Variants in FBLN1 observed in about 807,000 individuals in gnomAD.
FBLN1 encodes fibulin 1.
FBLN1 carries 34 observed loss-of-function variants against 89.7 expected under a neutral mutation model. The observed-to-expected ratio is 0.38, with a 90% confidence interval of 0.29 to 0.50. The LOEUF (loss-of-function observed/expected upper bound fraction) is 0.50. Among genes scored for constraint, FBLN1 ranks in the 20% least tolerant of loss-of-function variants. FBLN1 has a pLI of 0.92. For missense variants in FBLN1, 777 were observed against 988.1 expected, an observed-to-expected ratio of 0.79 and a Z score of 2.86; for synonymous variants, 393 against 391.3, an observed-to-expected ratio of 1.00 and a Z score of -0.05.
At position 45,571,584 on chromosome 22, in the gene FBLN1, T is replaced by A. The variant is rs183609972; in HGVS notation, c.1698-2927T>A. ...TCCTGAGGCTACTGTGTAGGTAATGTGGGATAATGATGGGATACTGCATGT... is the reference window on the plus strand; with the variant it reads ...TCCTGAGGCTACTGTGTAGGTAATGAGGGATAATGATGGGATACTGCATGT... On this transcript the variant is annotated intron_variant, in intron 14 of 16. Coordinates refer to ENST00000327858, the MANE Select transcript of FBLN1 (RefSeq NM_006486.3). 4.0e-3 allele frequency among the ~76,000 whole-genome samples: 602 copies of A among 152,312 alleles called. 4 individuals are homozygous for A. Among genetic ancestry groups the A allele is most frequent in the African/African-American group, 0.014 (586 of 41,566 alleles).
chr22:45,528,962 G>T (rs1032044075), intron 4 of FBLN1, among the ~76,000 whole-genome samples: 1 of 152,210 alleles, frequency 6.6e-6, no homozygotes, highest in Non-Finnish European at 1.5e-5. Context: ...GATAGTTGCA[G>T]TCCTACTTCA....
At chr22:45,527,058 C>T (rs2088338887) in intron 3 of FBLN1, among the ~76,000 whole-genome samples, 1 of 152,176 alleles carries the variant, frequency 6.6e-6, no homozygotes, top group African/African-American at 2.4e-5. Flanking sequence ...TTTCTGGCAG[C>T]GGAGGGCGTA....
intron 3 of FBLN1, among the ~76,000 whole-genome samples, chr22:45,527,360 C>T (rs2088342597): frequency 6.6e-6 from 1 of 152,172 alleles, no homozygotes; most frequent in Admixed American, 6.5e-5. Flanking sequence ...CTTTCAAATG[C>T]ACGGTGCAAT....
At position 45,579,847 on chromosome 22, in the gene FBLN1, T is replaced by C. The variant is rs1376920988; in HGVS notation, c.1972+2739T>C. Among the ~76,000 whole-genome samples the C allele has an allele frequency of 6.6e-6, 1 of 152,070 alleles. No individual in the cohort carries two copies. The highest frequency in any genetic ancestry group is 1.5e-5 in the Non-Finnish European group (1 of 68,008). ...CCTCTTCTGCCCAGAATAACTTCCA[T>C]ACATCCTGGGAGCTTCCTGGTCCCT... On this transcript the variant is annotated intron_variant, in intron 16 of 16. Transcript: ENST00000327858. The surrounding 1 kb of genome is among the most constrained non-coding windows in gnomAD (Gnocchi z 5.5).
In FBLN1 at chr22:45,525,657, C is replaced by T; in HGVS notation, c.300C>T (p.Ser100=). The change falls in exon 3 of 17, where the codon AGC becomes AGT. Residue 100 remains serine (S), a synonymous_variant. Coordinates refer to ENST00000327858, the MANE Select transcript of FBLN1 (RefSeq NM_006486.3). ...RCATPHGDNA[S]LEATFVKRCC... is the part of the protein sequence containing the mutation. The stretch of plus-strand genomic sequence containing the variant: ...CCACGCCCCACGGTGACAACGCCAG[C>T]CTGGAGGCCACATTTGTGAAGGTGA... 3.9e-6 allele frequency: 6 copies of T among 1,551,442 alleles called. No individual in the cohort carries two copies. Among genetic ancestry groups the T allele is most frequent in the Non-Finnish European group, 5.2e-6 (6 of 1,147,014 alleles).
chr22:45,542,949 T>A (rs1401121594), intron 10 of FBLN1, among the ~76,000 whole-genome samples: 1 of 152,190 alleles, frequency 6.6e-6, no homozygotes, highest in Non-Finnish European at 1.5e-5. Context: ...TCGGGACAAG[T>A]CACTTTGCAT....
At chr22:45,544,900 C>T (rs952344173) in intron 11 of FBLN1, among the ~76,000 whole-genome samples, 32 of 152,172 alleles carry the variant, frequency 2.1e-4, no homozygotes, top group African/African-American at 6.3e-4. Context: ...GTCTTGTATA[C>T]GGATTAGGTT....
At chr22:45,541,117 A>G in intron 8 of FBLN1, 112 bp from the exon 9 acceptor site, 2 of 1,395,076 alleles carry the variant, frequency 1.4e-6, no homozygotes, top group East Asian at 4.6e-5. Context: ...GAGCCCCTCC[A>G]TTTGTGGTTT....
intron 1 of FBLN1, among the ~76,000 whole-genome samples, chr22:45,509,981 C>T (rs538920585): frequency 1.3e-5 from 2 of 152,208 alleles, no homozygotes; most frequent in Admixed American, 6.5e-5. Flanking sequence ...ACTCCTGACG[C>T]CCTCAGCTGC....
At chr22:45,529,833 T>C (rs991857091) in intron 4 of FBLN1, among the ~76,000 whole-genome samples, 2 of 152,042 alleles carry the variant, frequency 1.3e-5, no homozygotes, top group Non-Finnish European at 2.9e-5. Flanking sequence ...CGCCATTGCA[T>C]TCCAGCCTGG....
chr22:45,574,777 CTTTTTTTTT>C lies in FBLN1; in HGVS notation c.1840+138_1840+146del, dbSNP rs756869112. The C allele has an allele frequency of 8.8e-6, 4 of 452,566 alleles. No individual in the cohort carries two copies. The highest frequency in any genetic ancestry group is 5.5e-5 in the African/African-American group (2 of 36,322). The allele number at this position is 452,566 out of a possible 1,614,324, so 28.0% of individuals were successfully genotyped here. A position where few individuals can be genotyped will look rare whatever the true frequency, so the allele number is the denominator to read the frequency against. On this transcript the variant is annotated intron_variant, in intron 15 of 16. Coordinates refer to ENST00000327858, the MANE Select transcript of FBLN1 (RefSeq NM_006486.3). This position sits in a 1 kb window ranked among gnomAD's most constrained non-coding sequence, Gnocchi z 4.1. ...CCCAGGCTTTGAAATGCAGAACTTT[CTTTTTTTTT>C]TTTTTTTTTTTTTGAGACGGAGTCT... is the stretch of plus-strand genomic sequence containing the variant.
chr22:45,517,371 C>G (rs1319001234), intron 1 of FBLN1: 2 of 347,748 alleles, frequency 5.8e-6, no homozygotes, highest in African/African-American at 4.4e-5. Flanking sequence ...ATGTGGGCAC[C>G]TGGCACCCGG....
At chr22:45,595,471 A>G (rs768010538) in intron 16 of FBLN1, among the ~76,000 whole-genome samples, 1 of 152,164 alleles carries the variant, frequency 6.6e-6, no homozygotes, top group African/African-American at 2.4e-5. Context: ...GATTCAGCCT[A>G]GCGCCTCCCT....
At chr22:45,525,450 G>T in intron 2 of FBLN1, 93 bp from the exon 3 acceptor site, 1 of 1,142,758 alleles carries the variant, frequency 8.8e-7, no homozygotes, top group Admixed American at 2.0e-5. Context: ...GGGAAGGGGA[G>T]GCTCAAAGGT....
Position 45,545,317 on chromosome 22 carries a change from T to C in FBLN1, c.1322-1768T>C, listed in dbSNP as rs1032590861. On this transcript the variant is annotated intron_variant, in intron 11 of 16. Transcript: ENST00000327858. The surrounding 1 kb of genome is among the most constrained non-coding windows in gnomAD (Gnocchi z 5.9). The stretch of plus-strand genomic sequence containing the variant: ...GGTGTCCTCATCTGTAAAACGGGCA[T>C]AGTAGGACCAACCCCATAGGGGGTT... Among the ~76,000 whole-genome samples, 2 of 152,080 alleles carry C rather than the reference T, an allele frequency of 1.3e-5. No individual in the cohort carries two copies. The highest frequency in any genetic ancestry group is 2.4e-5 in the African/African-American group (1 of 41,414).
At position 45,549,334 on chromosome 22, in the gene FBLN1, C is replaced by T. The variant is rs143914756; in HGVS notation, c.1573+590C>T. 7.8e-3 allele frequency among the ~76,000 whole-genome samples: 1,181 copies of T among 152,312 alleles called. 15 individuals are homozygous for T. Among genetic ancestry groups the T allele is most frequent in the African/African-American group, 0.026 (1,079 of 41,564 alleles). On this transcript the variant is annotated intron_variant, in intron 13 of 16. Coordinates refer to ENST00000327858, the MANE Select transcript of FBLN1 (RefSeq NM_006486.3). This position sits in a 1 kb window ranked among gnomAD's most constrained non-coding sequence, Gnocchi z 5.7. ...CGCGTGATCCTCAGTGTACACACTGCGCCCAGAAGCTGAGTCATGGAGGTG... is the reference window on the plus strand; with the variant it reads ...CGCGTGATCCTCAGTGTACACACTGTGCCCAGAAGCTGAGTCATGGAGGTG...
In FBLN1 at chr22:45,576,730, G is replaced by A. The variant is rs2071870; in HGVS notation, c.1841-247G>A. Among the ~76,000 whole-genome samples, 50,996 of 152,062 alleles carry A rather than the reference G, an allele frequency of 0.34. 8,782 individuals are homozygous for A. The highest frequency in any genetic ancestry group is 0.42 in the East Asian group (2,184 of 5,158). ...TTCCTCTGATTAGCTCTGTGTCCCC[G>A]AGGAAGATCCAAAATCTCTCCTGAC... is the stretch of plus-strand genomic sequence containing the variant. On this transcript the variant is annotated intron_variant, in intron 15 of 16. Coordinates refer to ENST00000327858, the MANE Select transcript of FBLN1 (RefSeq NM_006486.3). The surrounding 1 kb of genome is among the most constrained non-coding windows in gnomAD (Gnocchi z 5.2).
chr22:45,503,964 G>A (rs1354750676), intron 1 of FBLN1, among the ~76,000 whole-genome samples: 2 of 152,192 alleles, frequency 1.3e-5, no homozygotes, highest in Non-Finnish European at 2.9e-5. Context: ...CTGGGCGGCA[G>A]AGCTATGACC....
chr22:45,547,401 T>G (rs1057283621), intron 12 of FBLN1, among the ~76,000 whole-genome samples, 197 bp downstream of exon 12: 5 of 141,672 alleles, frequency 3.5e-5, no homozygotes, highest in South Asian at 4.9e-4. Flanking sequence ...TTTTTTTTTT[T>G]TTTTTTTTTT....
Sources: allele counts gnomAD v4.1 joint callset (sites outside exome capture counted in the v4.1 genomes callset), GRCh38; gene constraint gnomAD v4.1.1; non-coding constraint Gnocchi (gnomAD v3.1); transcripts MANE v1.5; gene names NCBI Gene and HGNC (gene_info 2026-07-23, HGNC 2026-07-21).